Variants in ZFHX3 observed in about 807,000 individuals in gnomAD.
The protein encoded by ZFHX3 is zinc finger homeobox protein 3.
A neutral mutation model predicts 279.1 loss-of-function variants in ZFHX3; 42 were observed. The ratio of observed to expected loss-of-function variants is 0.15; its 90% CI spans 0.12 to 0.19. ZFHX3 has a LOEUF of 0.19. ZFHX3 is among the 10% of genes least tolerant of loss of function. The probability of loss-of-function intolerance (pLI) is 1.00; values close to 1 mark genes in which losing one functional copy is unlikely to be tolerated. For missense variants in ZFHX3, 4,981 were observed against 4,754.0 expected, an observed-to-expected ratio of 1.05 and a Z score of -1.40; for synonymous variants, 2,293 against 1,957.8, an observed-to-expected ratio of 1.17 and a Z score of -4.52.
intron 2 of ZFHX3, among the ~76,000 whole-genome samples, chr16:73,490,154 T>C (rs960996886): frequency 1.3e-5 from 2 of 152,228 alleles, no homozygotes; most frequent in Non-Finnish European, 2.9e-5. Flanking sequence ...GGAAATACTA[T>C]CAGTAGACAC....
intron 1 of ZFHX3, among the ~76,000 whole-genome samples, chr16:73,025,015 A>C (rs889919751): frequency 1.3e-5 from 2 of 152,134 alleles, no homozygotes; most frequent in African/African-American, 2.4e-5. Context: ...GCCCTCTCCC[A>C]CATATGATCT....
At chr16:73,464,152 G>C (rs955408907) in intron 2 of ZFHX3, among the ~76,000 whole-genome samples, 2 of 151,928 alleles carry the variant, frequency 1.3e-5, no homozygotes, top group Admixed American at 6.6e-5. Flanking sequence ...TTTGTAAACA[G>C]TCCTGAAGAA....
At chr16:73,161,032 G>T (rs1364499024) in intron 5 of ZFHX3, among the ~76,000 whole-genome samples, 1 of 152,054 alleles carries the variant, frequency 6.6e-6, no homozygotes, top group Non-Finnish European at 1.5e-5. Context: ...GAGTGCAGTG[G>T]TACCATCTGA....
At chr16:73,425,941 TA>T (rs5817848) in intron 3 of ZFHX3, among the ~76,000 whole-genome samples, 85,792 of 150,912 alleles carry the variant, frequency 0.57, 25,938 homozygotes, top group Non-Finnish European at 0.7. Context: ...TCCTTACCAT[TA>T]AAAAAAAAAT....
intron 3 of ZFHX3, among the ~76,000 whole-genome samples, chr16:73,396,590 G>C (rs2017133564): frequency 6.6e-6 from 1 of 152,170 alleles, no homozygotes; most frequent in Non-Finnish European, 1.5e-5. Context: ...AGAAGGCAAA[G>C]GGGAAGCAAG....
intron 7 of ZFHX3, among the ~76,000 whole-genome samples, chr16:73,103,699 A>C (rs1966259250): frequency 6.6e-6 from 1 of 152,166 alleles, no homozygotes. Flanking sequence ...TGTGTTTACT[A>C]AAATGCGGAG....
At chr16:73,321,871 G>C (rs2015581899) in intron 3 of ZFHX3, among the ~76,000 whole-genome samples, 1 of 148,230 alleles carries the variant, frequency 6.7e-6, no homozygotes, top group Non-Finnish European at 1.5e-5. Context: ...GAGAGATTGA[G>C]AGAGAAAGAG....
At chr16:72,850,998 C>A (rs532097284) in intron 4 of ZFHX3, among the ~76,000 whole-genome samples, 3 of 152,008 alleles carry the variant, frequency 2.0e-5, no homozygotes, top group Non-Finnish European at 2.9e-5. Context: ...ACTGAGGCTG[C>A]GGTGCAGGGA....
chr16:73,302,203 T>C lies in ZFHX3; in HGVS notation c.-1194+16037A>G, dbSNP rs554774770. ...CTATGCCCTTTCTATTTTTCCTCTG[T>C]CTTGGTTCTCTCTTTCCTTTGTATC... On this transcript the variant is annotated intron_variant, in intron 4 of 17. Transcript: ENST00000641206. 1.4e-4 allele frequency among the ~76,000 whole-genome samples: 21 copies of C among 152,254 alleles called. No individual in the cohort carries two copies. In the East Asian group the frequency reaches 3.5e-3, roughly 25 times the overall value.
At chr16:72,911,750 C>T (rs1218605378) in intron 3 of ZFHX3, among the ~76,000 whole-genome samples, 2 of 152,216 alleles carry the variant, frequency 1.3e-5, no homozygotes, top group African/African-American at 4.8e-5. Flanking sequence ...CTGGTGGCCA[C>T]CACGCTGGAC....
At chr16:73,298,178 A>G (rs908249641) in intron 4 of ZFHX3, among the ~76,000 whole-genome samples, 2 of 151,196 alleles carry the variant, frequency 1.3e-5, no homozygotes, top group Non-Finnish European at 2.9e-5. Flanking sequence ...GTGAGAGAGC[A>G]AGACCCTGTC....
chr16:73,508,189 A>G (rs1428337540), intron 2 of ZFHX3, among the ~76,000 whole-genome samples: 3 of 152,294 alleles, frequency 2.0e-5, no homozygotes, highest in Admixed American at 1.3e-4. Context: ...CTAGGCCTCA[A>G]TGCCATCTGT....
intron 3 of ZFHX3, among the ~76,000 whole-genome samples, chr16:73,374,350 G>T (rs2016685112): frequency 6.6e-6 from 1 of 150,768 alleles, no homozygotes; most frequent in African/African-American, 2.4e-5. Flanking sequence ...GGCCAGTCTT[G>T]TCATCGGCCA....
At chr16:73,820,805 T>C (rs1024107362) in intron 1 of ZFHX3, among the ~76,000 whole-genome samples, 2 of 151,812 alleles carry the variant, frequency 1.3e-5, no homozygotes, top group East Asian at 1.9e-4. Context: ...AAATGTGTTC[T>C]ACTACCAAAG....
intron 4 of ZFHX3, among the ~76,000 whole-genome samples, chr16:73,303,838 T>C (rs1239215800): frequency 7.2e-5 from 11 of 151,914 alleles, no homozygotes; most frequent in Non-Finnish European, 1.3e-4. Context: ...GGACTACAAA[T>C]GTGGCACCCT....
At chr16:73,251,884 CCA>C (rs1379455162) in intron 5 of ZFHX3, among the ~76,000 whole-genome samples, 79 of 94,306 alleles carry the variant, frequency 8.4e-4, no homozygotes, top group African/African-American at 4.2e-3. Context: ...TGCACACACA[CCA>C]CACACACACC....
chr16:73,603,073 C>G (rs1222501014), intron 2 of ZFHX3, among the ~76,000 whole-genome samples: 1 of 151,932 alleles, frequency 6.6e-6, no homozygotes, highest in African/African-American at 2.4e-5. Context: ...ATCACGAGGT[C>G]AGGAGATAGA....
rs368497120 is a variant in ZFHX3, at chr16:72,959,747, G to T, written c.399C>A (p.Ile133=). Residue 133 remains isoleucine, a synonymous_variant, in exon 2 of 10, where the codon ATC becomes ATA. Transcript: ENST00000268489. Reference sequence around the variant, plus strand: ...ACGCGGAGCCGTCCGGCTGGTAGACGATCTCCCCGGCCAGGTTCTCCACGT... The same window carrying T: ...ACGCGGAGCCGTCCGGCTGGTAGACTATCTCCCCGGCCAGGTTCTCCACGT... ...ESDVENLAGE[I]VYQPDGSAYI... The T allele has an allele frequency of 6.2e-7, 1 of 1,611,474 alleles. No individual in the cohort carries two copies. Among genetic ancestry groups the T allele is most frequent in the Non-Finnish European group, 8.5e-7 (1 of 1,178,354 alleles).
intron 2 of ZFHX3, among the ~76,000 whole-genome samples, chr16:73,497,314 A>T (rs2019158390): frequency 6.6e-6 from 1 of 152,090 alleles, no homozygotes; most frequent in South Asian, 2.1e-4. Context: ...ACCACCAAAG[A>T]TTACACAATA....
Sources: allele counts gnomAD v4.1 joint callset (sites outside exome capture counted in the v4.1 genomes callset), GRCh38; gene constraint gnomAD v4.1.1; transcripts MANE v1.5; gene names NCBI Gene and HGNC (gene_info 2026-07-23, HGNC 2026-07-21).